Variants in MYO3A observed in about 807,000 individuals in gnomAD.
The protein encoded by MYO3A is myosin IIIA, also known as myosin-IIIa.
In MYO3A, 180 loss-of-function variants were observed where a neutral mutation model predicts 192.7. The ratio of observed to expected loss-of-function variants is 0.93; its 90% CI spans 0.83 to 1.06. The LOEUF (loss-of-function observed/expected upper bound fraction) is 1.06, where lower values mean the gene tolerates loss of function less well. Ranked by LOEUF, MYO3A falls within the 50% of genes least tolerant of loss-of-function variation. The pLI is 0.00. For synonymous variants in MYO3A, 628 were observed against 645.3 expected, an observed-to-expected ratio of 0.97 and a Z score of 0.41; for missense variants, 1,896 against 1,905.0, an observed-to-expected ratio of 1.00 and a Z score of 0.09.
chr10:25,954,900 A>T lies in MYO3A; in HGVS notation c.195A>T (p.Glu65Asp), dbSNP rs763253953. The T allele has an allele frequency of 1.9e-6, 3 of 1,612,546 alleles. No individual in the cohort carries two copies. The highest frequency in any genetic ancestry group is 2.5e-6 in the Non-Finnish European group (3 of 1,178,878). ...IHDIDEEIEA[E>D]YNILKALSDH... Reference sequence around the variant, plus strand: ...ATATTGACGAAGAGATTGAAGCAGAATATAACATCTTAAAAGCACTTTCTG... The same window carrying T: ...ATATTGACGAAGAGATTGAAGCAGATTATAACATCTTAAAAGCACTTTCTG... The change falls in exon 4 of 35, where the codon GAA (glutamate) becomes GAT (aspartate). Residue 65 changes from glutamate to aspartate, a missense_variant. Glu to Asp is a conservative substitution (Grantham distance 45, BLOSUM62 2). Transcript: ENST00000642920.
At chr10:26,042,073 G>A (rs1328403260) in intron 10 of MYO3A, among the ~76,000 whole-genome samples, 1 of 151,996 alleles carries the variant, frequency 6.6e-6, no homozygotes, top group Non-Finnish European at 1.5e-5. Flanking sequence ...TGTTTAAAGG[G>A]TATTTTTGCC....
At chr10:26,099,319 A>T (rs1837275616) in intron 17 of MYO3A, among the ~76,000 whole-genome samples, 1 of 152,190 alleles carries the variant, frequency 6.6e-6, no homozygotes, top group Admixed American at 6.5e-5. Flanking sequence ...GGCTGAGATG[A>T]TGGGGTTTTC....
intron 6 of MYO3A, among the ~76,000 whole-genome samples, chr10:26,011,961 CTG>C (rs2131013574): frequency 6.6e-6 from 1 of 152,240 alleles, no homozygotes; most frequent in South Asian, 2.1e-4. Context: ...AAGTCAATAA[CTG>C]TAATGAATCA....
intron 17 of MYO3A, among the ~76,000 whole-genome samples, chr10:26,101,894 G>A (rs1837478966): frequency 6.6e-6 from 1 of 152,090 alleles, no homozygotes; most frequent in African/African-American, 2.4e-5. Flanking sequence ...CTCTTCTGGA[G>A]GAGTATCTTT....
At chr10:26,143,733 A>G (rs1840299991) in intron 21 of MYO3A, 132 bp downstream of exon 21, 1 of 1,119,900 alleles carries the variant, frequency 8.9e-7, no homozygotes, top group Non-Finnish European at 1.3e-6. Context: ...GACTTTAAAG[A>G]AGAGCCTTTG....
At chr10:26,005,847 A>T (rs1841166657) in intron 6 of MYO3A, among the ~76,000 whole-genome samples, 1 of 152,134 alleles carries the variant, frequency 6.6e-6, no homozygotes, top group African/African-American at 2.4e-5. Flanking sequence ...ATAACTATAT[A>T]AAACATTAAT....
intron 26 of MYO3A, among the ~76,000 whole-genome samples, chr10:26,162,626 T>C (rs1381156150): frequency 6.6e-6 from 1 of 152,244 alleles, no homozygotes; most frequent in Non-Finnish European, 1.5e-5. Context: ...CAAGACTTCT[T>C]TATAAAGTCT....
At chr10:26,181,981 A>C (rs1292887444) in intron 31 of MYO3A, among the ~76,000 whole-genome samples, 2 of 152,244 alleles carry the variant, frequency 1.3e-5, no homozygotes, top group African/African-American at 4.8e-5. Flanking sequence ...TTTTCAAAGA[A>C]TAGCCTTAGC....
chr10:26,174,677 A>T, intron 30 of MYO3A, 120 bp downstream of exon 30: 5 of 830,926 alleles, frequency 6.0e-6, no homozygotes, highest in Non-Finnish European at 9.5e-6. Context: ...GCCCGCAAAC[A>T]TTTTTAATAA....
chr10:25,996,268 T>C (rs530877888), intron 4 of MYO3A, among the ~76,000 whole-genome samples: 1 of 152,350 alleles, frequency 6.6e-6, no homozygotes, highest in African/African-American at 2.4e-5. Flanking sequence ...CTCCAAATTA[T>C]CTTCTAAAAA....
chr10:25,969,405 G>A (rs2130718130), intron 4 of MYO3A, among the ~76,000 whole-genome samples: 1 of 152,262 alleles, frequency 6.6e-6, no homozygotes, highest in South Asian at 2.1e-4. Flanking sequence ...TACTATCTGT[G>A]GTTTTGGGTA....
intron 10 of MYO3A, among the ~76,000 whole-genome samples, chr10:26,043,061 A>G (rs1175436072): frequency 6.6e-6 from 1 of 152,174 alleles, no homozygotes; most frequent in Non-Finnish European, 1.5e-5. Flanking sequence ...TTGCAGACTC[A>G]TAGAAGTACT....
At chr10:26,168,483 G>A (rs547667078) in intron 27 of MYO3A, among the ~76,000 whole-genome samples, 4 of 152,122 alleles carry the variant, frequency 2.6e-5, no homozygotes, top group Non-Finnish European at 5.9e-5. Context: ...CTAGTTACCT[G>A]TTGTAAATAA....
chr10:26,152,477 C>T (rs751884927), intron 23 of MYO3A, among the ~76,000 whole-genome samples: 3 of 152,138 alleles, frequency 2.0e-5, no homozygotes, highest in South Asian at 2.1e-4. Flanking sequence ...ATAACCATGG[C>T]CCTTTGTATA....
At chr10:25,944,161 GT>G (rs1037450376) in intron 2 of MYO3A, among the ~76,000 whole-genome samples, 2 of 151,912 alleles carry the variant, frequency 1.3e-5, no homozygotes, top group East Asian at 3.9e-4. Context: ...ATGATCATGT[GT>G]TTTTTCCCCT....
intron 26 of MYO3A, among the ~76,000 whole-genome samples, chr10:26,163,439 T>C (rs1029759914): frequency 6.6e-6 from 1 of 151,874 alleles, no homozygotes; most frequent in African/African-American, 2.4e-5. Flanking sequence ...AGGTAACTAG[T>C]TGGGAGGCAA....
At chr10:26,082,756 T>C (rs990470422) in intron 14 of MYO3A, among the ~76,000 whole-genome samples, 101 of 149,600 alleles carry the variant, frequency 6.8e-4, no homozygotes, top group East Asian at 5.3e-3. Context: ...CTCTCTCTTT[T>C]TCTCTCTCTC....
At chr10:26,161,844 T>C (rs1841498703) in intron 26 of MYO3A, among the ~76,000 whole-genome samples, 1 of 152,186 alleles carries the variant, frequency 6.6e-6, no homozygotes, top group African/African-American at 2.4e-5. Context: ...ATGCCCTCCA[T>C]AAGCACGTGT....
Position 26,088,372 on chromosome 10 carries a change from T to A in MYO3A, c.1529T>A (p.Leu510His). Residue 510 changes from leucine to histidine, a missense_variant, in exon 15 of 35, where the codon CTC becomes CAC. Physicochemically the swap from Leu to His is moderately conservative, Grantham distance 99 (BLOSUM62 -3). Transcript: ENST00000642920. ...GTGGGAGCACAGATTTCTGAATATC[T>A]CCTGGAAAAATCCCGAGTTATCCAC... ...AVVGAQISEYLLEKSRVIHQA... is the reference protein window; with the variant it reads ...AVVGAQISEYHLEKSRVIHQA... 5 of 1,613,950 alleles carry A rather than the reference T, an allele frequency of 3.1e-6. No homozygotes were observed. Among genetic ancestry groups the A allele is most frequent in the Non-Finnish European group, 3.4e-6 (4 of 1,179,934 alleles).
Sources: gnomAD v4.1 joint callset for allele counts (sites outside exome capture counted in the v4.1 genomes callset) on GRCh38, gnomAD v4.1.1 for gene constraint, MANE v1.5 for transcripts, NCBI Gene and HGNC (gene_info 2026-07-23, HGNC 2026-07-21) for gene names.